UBE2K: variants seen among roughly 807,000 people sequenced by gnomAD.
UBE2K encodes ubiquitin-conjugating enzyme E2 K.
UBE2K carries 6 observed loss-of-function variants against 30.0 expected under a neutral mutation model. That is an observed-to-expected ratio of 0.20 (90% CI 0.11 to 0.39). The LOEUF (loss-of-function observed/expected upper bound fraction) is 0.39, where lower values mean the gene tolerates loss of function less well. Among genes scored for constraint, UBE2K ranks in the 10% least tolerant of loss-of-function variants. The probability of loss-of-function intolerance (pLI) is 1.00; values close to 1 mark genes in which losing one functional copy is unlikely to be tolerated. For missense variants in UBE2K, 61 were observed against 241.6 expected, an observed-to-expected ratio of 0.25 and a Z score of 4.96; for synonymous variants, 86 against 83.7, an observed-to-expected ratio of 1.03 and a Z score of -0.15.
intron 1 of UBE2K, among the ~76,000 whole-genome samples, chr4:39,732,646 T>C (rs887489387): frequency 2.0e-5 from 3 of 151,904 alleles, no homozygotes; most frequent in African/African-American, 4.8e-5. Context: ...GATTTGAAAA[T>C]TGCTAACTTC....
At chr4:39,740,891 CT>C (rs1720666505) in intron 2 of UBE2K, among the ~76,000 whole-genome samples, 1 of 143,730 alleles carries the variant, frequency 7.0e-6, no homozygotes, top group Non-Finnish European at 1.5e-5. Flanking sequence ...AAGATATATT[CT>C]TTATTGGTTA....
rs534990400 is a variant in UBE2K, at chr4:39,718,786, GC to G, written c.64-18632del. Among the ~76,000 whole-genome samples the G allele has an allele frequency of 9.8e-5, 15 of 152,362 alleles. No individual in the cohort carries two copies. In the South Asian group the frequency reaches 3.1e-3, roughly 32 times the overall value. ...TGCCCAGGGCCAGCAGGGCCAGTCG[GC>G]CGCTCAGAGTGCTGAGCCCGCCAAG... is the stretch of plus-strand genomic sequence containing the variant. On this transcript the variant is annotated intron_variant, in intron 1 of 6. Transcript: ENST00000261427.
At chr4:39,744,124 A>G (rs1720857838) in intron 2 of UBE2K, among the ~76,000 whole-genome samples, 1 of 152,140 alleles carries the variant, frequency 6.6e-6, no homozygotes, top group Non-Finnish European at 1.5e-5. Context: ...CAGCCTCCCA[A>G]AGTGCTGGGA....
chr4:39,724,663 G>C lies in UBE2K; in HGVS notation c.64-12757G>C, dbSNP rs7690684. The stretch of plus-strand genomic sequence containing the variant: ...GCATGCCTGTAGGCCCAGCTACTTG[G>C]GGGGGCTGAGGCAGGAGGATCACTT... On this transcript the variant is annotated intron_variant, in intron 1 of 6. Transcript: ENST00000261427. Among the ~76,000 whole-genome samples, 10 of 150,790 alleles carry C rather than the reference G, an allele frequency of 6.6e-5. No homozygotes were observed. In the East Asian group the frequency reaches 7.8e-4, roughly 12 times the overall value.
At chr4:39,708,936 T>TC (rs1298050832) in intron 1 of UBE2K, among the ~76,000 whole-genome samples, 1 of 151,220 alleles carries the variant, frequency 6.6e-6, no homozygotes, top group African/African-American at 2.4e-5. Flanking sequence ...TTTTTTTTTT[T>TC]CCTCTTAGTA....
intron 1 of UBE2K, among the ~76,000 whole-genome samples, chr4:39,699,082 C>T (rs966078076): frequency 2.6e-5 from 4 of 152,168 alleles, no homozygotes; most frequent in Non-Finnish European, 5.9e-5. Flanking sequence ...TCCTAGGCCT[C>T]ATCTTTATTG....
intron 4 of UBE2K, chr4:39,771,022 C>T (rs1181361059): frequency 4.3e-6 from 7 of 1,611,716 alleles, no homozygotes; most frequent in African/African-American, 1.3e-5. Flanking sequence ...GCTAGCCTCA[C>T]GGACCCCATC....
At chr4:39,708,990 T>C (rs1050891872) in intron 1 of UBE2K, among the ~76,000 whole-genome samples, 3 of 151,802 alleles carry the variant, frequency 2.0e-5, no homozygotes, top group Non-Finnish European at 4.4e-5. Flanking sequence ...TTTTAACTCC[T>C]GAAGCATAAT....
chr4:39,744,058 T>C (rs1720852456), intron 2 of UBE2K, among the ~76,000 whole-genome samples: 1 of 152,206 alleles, frequency 6.6e-6, no homozygotes, highest in Non-Finnish European at 1.5e-5. Context: ...AGGTGGGGTT[T>C]CGCCATGTTT....
At chr4:39,706,201 A>G (rs1238868828) in intron 1 of UBE2K, among the ~76,000 whole-genome samples, 1 of 151,774 alleles carries the variant, frequency 6.6e-6, no homozygotes, top group African/African-American at 2.4e-5. Context: ...TTTTTTTAGT[A>G]GAGACGGGGT....
chr4:39,714,254 T>C, intron 1 of UBE2K: 1 of 188,068 alleles, frequency 5.3e-6, no homozygotes, highest in Non-Finnish European at 1.2e-5. Flanking sequence ...GTTTTCAACA[T>C]TGTTCTGCTG....
At chr4:39,715,578 G>A (rs936998336) in intron 1 of UBE2K, among the ~76,000 whole-genome samples, 10 of 152,154 alleles carry the variant, frequency 6.6e-5, no homozygotes, top group African/African-American at 2.4e-4. Context: ...CCAAAGTGCT[G>A]GGATTACAGG....
intron 1 of UBE2K, among the ~76,000 whole-genome samples, chr4:39,732,343 T>C (rs1314970319): frequency 6.6e-6 from 1 of 152,222 alleles, no homozygotes; most frequent in Non-Finnish European, 1.5e-5. Flanking sequence ...CTTCCAGTGT[T>C]TAGTTTTTCC....
At chr4:39,755,469 A>G (rs1311418870) in intron 3 of UBE2K, among the ~76,000 whole-genome samples, 188 bp from the exon 4 acceptor site, 2 of 152,240 alleles carry the variant, frequency 1.3e-5, no homozygotes, top group Admixed American at 6.5e-5. Context: ...TGAAAACAAC[A>G]TATGTTAGTG....
intron 1 of UBE2K, among the ~76,000 whole-genome samples, chr4:39,734,907 G>A (rs922301010): frequency 5.3e-5 from 8 of 152,128 alleles, no homozygotes; most frequent in African/African-American, 1.9e-4. Flanking sequence ...CCAGAGATTT[G>A]GGCAGTCCCA....
chr4:39,714,365 C>T (rs28730991), intron 1 of UBE2K: 19,680 of 176,178 alleles, frequency 0.11, 1,331 homozygotes, highest in East Asian at 0.22. Context: ...ATGTCATGCA[C>T]GCCTGTCAGA....
chr4:39,728,826 T>TG (rs766707536), intron 1 of UBE2K, among the ~76,000 whole-genome samples: 4 of 144,530 alleles, frequency 2.8e-5, no homozygotes, highest in African/African-American at 1.0e-4. Context: ...TTGTTTTTTT[T>TG]GTTTTTTTTT....
intron 1 of UBE2K, among the ~76,000 whole-genome samples, chr4:39,720,419 T>C (rs1190818530): frequency 6.6e-6 from 1 of 152,218 alleles, no homozygotes; most frequent in African/African-American, 2.4e-5. Flanking sequence ...AGTGTAACTT[T>C]ACATTTTTTA....
chr4:39,740,500 G>C (rs73240681), intron 2 of UBE2K, among the ~76,000 whole-genome samples: 15,618 of 149,950 alleles, frequency 0.1, 1,083 homozygotes, highest in East Asian at 0.22. Flanking sequence ...CCCAGATCGC[G>C]CTGCTGCACT....
Sources: gnomAD v4.1 joint callset for allele counts (sites outside exome capture counted in the v4.1 genomes callset) on GRCh38, gnomAD v4.1.1 for gene constraint, MANE v1.5 for transcripts, NCBI Gene and HGNC (gene_info 2026-07-23, HGNC 2026-07-21) for gene names.